Variants in ZFYVE9 observed in about 807,000 individuals in gnomAD.
ZFYVE9 encodes the protein zinc finger FYVE domain-containing protein 9.
ZFYVE9 carries 43 observed loss-of-function variants against 126.7 expected under a neutral mutation model. That is an observed-to-expected ratio of 0.34 (90% CI 0.27 to 0.44). The LOEUF is 0.44. Among genes scored for constraint, ZFYVE9 ranks in the 20% least tolerant of loss-of-function variants. The probability of loss-of-function intolerance (pLI) is 1.00; values close to 1 mark genes in which losing one functional copy is unlikely to be tolerated. For missense variants in ZFYVE9, 1,476 were observed against 1,697.0 expected (o/e 0.87, Z 2.29); for synonymous variants, 521 against 597.4 (o/e 0.87, Z 1.87).
At position 52,259,391 on chromosome 1, in the gene ZFYVE9, A is replaced by AT. The variant is rs1383436402; in HGVS notation, c.2179-4375dup. Among the ~76,000 whole-genome samples, 8 of 152,228 alleles carry AT rather than the reference A, an allele frequency of 5.3e-5. No individual in the cohort carries two copies. In the South Asian group the frequency reaches 6.2e-4, roughly 12 times the overall value. ...ACAGTTCAACCCATAAAAGCAACTA[A>AT]TTTTTTTAAATTTTTTTCTAATTTA... is the stretch of plus-strand genomic sequence containing the variant. On this transcript the variant is annotated intron_variant, in intron 4 of 18. Transcript: ENST00000287727.
chr1:52,229,347 TGTG>T (rs1238166342), intron 2 of ZFYVE9, among the ~76,000 whole-genome samples: 2 of 152,340 alleles, frequency 1.3e-5, no homozygotes, highest in South Asian at 2.1e-4. Flanking sequence ...GTTAAACTGT[TGTG>T]GTGGTACTGA....
At chr1:52,226,294 C>G (rs1384392567) in intron 2 of ZFYVE9, among the ~76,000 whole-genome samples, 1 of 152,182 alleles carries the variant, frequency 6.6e-6, no homozygotes, top group Non-Finnish European at 1.5e-5. Context: ...TTGTCTGTGT[C>G]TGCAGCTCGA....
At chr1:52,151,840 TC>T (rs2124496442) in intron 1 of ZFYVE9, among the ~76,000 whole-genome samples, 1 of 152,212 alleles carries the variant, frequency 6.6e-6, no homozygotes. Context: ...TAAAGTATGT[TC>T]CCTAGGAGCA....
In ZFYVE9 at chr1:52,266,636, G is replaced by C; in HGVS notation, c.2279-19G>C. On this transcript the variant is annotated intron_variant, in intron 5 of 18. Coordinates refer to ENST00000287727, the MANE Select transcript of ZFYVE9 (RefSeq NM_004799.4). ...ATTTTGCAATCCATTCACATTGATTGTGTCTGTATTTGCTTTAGCTCAAGC... is the reference window on the plus strand; with the variant it reads ...ATTTTGCAATCCATTCACATTGATTCTGTCTGTATTTGCTTTAGCTCAAGC... The C allele has an allele frequency of 6.4e-7, 1 of 1,563,920 alleles. No individual in the cohort carries two copies. Among genetic ancestry groups the C allele is most frequent in the Non-Finnish European group, 8.6e-7 (1 of 1,157,288 alleles).
chr1:52,164,642 G>A (rs1049433162), intron 1 of ZFYVE9, among the ~76,000 whole-genome samples: 3 of 151,296 alleles, frequency 2.0e-5, no homozygotes, highest in Admixed American at 6.6e-5. Flanking sequence ...TTGTCCGTCC[G>A]TCCATCCGTC....
chr1:52,317,450 C>G (rs559965715), intron 13 of ZFYVE9, among the ~76,000 whole-genome samples: 1 of 150,448 alleles, frequency 6.6e-6, no homozygotes, highest in African/African-American at 2.5e-5. Flanking sequence ...CCATTGCACT[C>G]CAGCCTGGGT....
At chr1:52,154,057 C>G (rs567276899) in intron 1 of ZFYVE9, among the ~76,000 whole-genome samples, 1 of 152,308 alleles carries the variant, frequency 6.6e-6, no homozygotes, top group Admixed American at 6.5e-5. Context: ...GATATAACTA[C>G]TGGAGCTTAT....
chr1:52,304,956 G>T (rs886893262), intron 13 of ZFYVE9, among the ~76,000 whole-genome samples: 1 of 151,854 alleles, frequency 6.6e-6, no homozygotes, highest in African/African-American at 2.4e-5. Context: ...TGAACTATTT[G>T]TAGTTCACAG....
chr1:52,339,860 G>A lies in ZFYVE9; in HGVS notation c.3834-266G>A, dbSNP rs148471015. 3.0e-3 allele frequency among the ~76,000 whole-genome samples: 454 copies of A among 152,270 alleles called. 2 individuals carry two copies. Among genetic ancestry groups the A allele is most frequent in the African/African-American group, 9.2e-3 (382 of 41,546 alleles). ...AGGTTTGATTAATCAATTTCTTTAC[G>A]TTAAAGAGAACTAGCTCCTGGAAAA... On this transcript the variant is annotated intron_variant, in intron 16 of 18. Coordinates refer to ENST00000287727, the MANE Select transcript of ZFYVE9 (RefSeq NM_004799.4).
intron 13 of ZFYVE9, among the ~76,000 whole-genome samples, chr1:52,326,896 G>A (rs1365553568): frequency 6.6e-6 from 1 of 151,708 alleles, no homozygotes; most frequent in East Asian, 1.9e-4. Context: ...GGGCACAGTG[G>A]CTCATGCCTG....
chr1:52,193,690 A>G (rs1053975902), intron 1 of ZFYVE9, among the ~76,000 whole-genome samples: 3 of 138,566 alleles, frequency 2.2e-5, no homozygotes, highest in African/African-American at 8.2e-5. Flanking sequence ...CTGGGCAACA[A>G]GAGCAAAACT....
At chr1:52,178,167 T>C (rs1370047188) in intron 1 of ZFYVE9, among the ~76,000 whole-genome samples, 2 of 149,328 alleles carry the variant, frequency 1.3e-5, no homozygotes, top group East Asian at 4.1e-4. Context: ...TAGTCTCAGC[T>C]ACTTGGGAGG....
intron 1 of ZFYVE9, among the ~76,000 whole-genome samples, chr1:52,213,425 C>T (rs898320571): frequency 2.0e-5 from 3 of 151,914 alleles, no homozygotes; most frequent in Non-Finnish European, 4.4e-5. Flanking sequence ...CTGAGGTGGG[C>T]GGATTGCCTG....
chr1:52,323,169 G>A (rs1646257849), intron 13 of ZFYVE9, among the ~76,000 whole-genome samples: 1 of 152,156 alleles, frequency 6.6e-6, no homozygotes, highest in East Asian at 1.9e-4. Flanking sequence ...ACTGTCCTCA[G>A]TGTTCCTTGA....
rs779501793 is a variant in ZFYVE9, at chr1:52,237,464, T to C, written c.71-24T>C. 30 of 1,563,596 alleles carry C rather than the reference T, an allele frequency of 1.9e-5. No homozygotes were observed. In the African/African-American group the frequency reaches 2.0e-4, roughly 11 times the overall value. ...TTTTCCAGTGTTACAAGCAAACTTA[T>C]TGTAATTACTTATTTTTTTCCAGAT... On this transcript the variant is annotated intron_variant, in intron 3 of 18. Transcript: ENST00000287727.
intron 3 of ZFYVE9, among the ~76,000 whole-genome samples, 194 bp downstream of exon 3, chr1:52,233,470 T>C (rs1163995198): frequency 1.3e-5 from 2 of 152,202 alleles, no homozygotes; most frequent in East Asian, 1.9e-4. Flanking sequence ...ACAGATCTTA[T>C]TGCCATTTTA....
chr1:52,181,085 TCACGGTCTCCTTCTCCCTCTCTTTC>T (rs1237097239), intron 1 of ZFYVE9, among the ~76,000 whole-genome samples: 56 of 150,452 alleles, frequency 3.7e-4, no homozygotes, highest in Admixed American at 3.2e-3. Context: ...ACTTTCTCCC[TCACGGTCTCCTTCTCCCTCTCTTTC>T]CACGGTCTCC....
chr1:52,336,682 T>C (rs1285069288), intron 15 of ZFYVE9, among the ~76,000 whole-genome samples: 20 of 151,968 alleles, frequency 1.3e-4, no homozygotes, highest in Admixed American at 1.3e-3. Flanking sequence ...AGTTAAACAG[T>C]CATTTGGTCT....
intron 1 of ZFYVE9, among the ~76,000 whole-genome samples, chr1:52,163,869 A>G (rs115112239): frequency 1.3e-3 from 205 of 152,292 alleles, no homozygotes; most frequent in Non-Finnish European, 2.3e-3. Context: ...AGGCCATGCA[A>G]TTGGTGATGT....
Sources: gnomAD v4.1 joint callset for allele counts (sites outside exome capture counted in the v4.1 genomes callset) on GRCh38, gnomAD v4.1.1 for gene constraint, MANE v1.5 for transcripts, NCBI Gene and HGNC (gene_info 2026-07-23, HGNC 2026-07-21) for gene names.